The following CCDC91 variants were observed in gnomAD, a reference collection of about 807,000 sequenced individuals.
CCDC91 encodes the protein coiled-coil domain containing 91.
CCDC91 carries 48 observed loss-of-function variants against 63.2 expected under a neutral mutation model. That is an observed-to-expected ratio of 0.76 (90% CI 0.60 to 0.97). The LOEUF is 0.97. Ranked by LOEUF, CCDC91 falls within the 50% of genes least tolerant of loss-of-function variation. The probability of loss-of-function intolerance (pLI) is 0.00; values close to 1 mark genes in which losing one functional copy is unlikely to be tolerated. For missense variants in CCDC91, 500 were observed against 494.6 expected (o/e 1.01, Z -0.10); for synonymous variants, 167 against 165.8 (o/e 1.01, Z -0.06).
At chr12:28,515,218 G>C (rs903427681) in intron 12 of CCDC91, among the ~76,000 whole-genome samples, 1 of 151,734 alleles carries the variant, frequency 6.6e-6, no homozygotes, top group South Asian at 2.1e-4. Context: ...TCTTATGGGG[G>C]ACTTCGGCAG....
chr12:28,545,619 G>T (rs951122499), intron 12 of CCDC91, among the ~76,000 whole-genome samples: 4 of 152,042 alleles, frequency 2.6e-5, no homozygotes, highest in Admixed American at 2.0e-4. Flanking sequence ...AGAGTGCTCT[G>T]GGGAGGGAGT....
chr12:28,232,133 AG>A lies in CCDC91; in HGVS notation c.-14-25068del, dbSNP rs1230419179. 6.6e-5 allele frequency among the ~76,000 whole-genome samples: 10 copies of A among 152,280 alleles called. 1 individual carries two copies. Among genetic ancestry groups the A allele is most frequent in the Admixed American group, 6.5e-4 (10 of 15,290 alleles). Reference sequence around the variant, plus strand: ...TGGATCATTTTATATATCTACCTGTAGAATTGTGACCATGGGTTTTCTGTTT... The same window carrying A: ...TGGATCATTTTATATATCTACCTGTAAATTGTGACCATGGGTTTTCTGTTT... On this transcript the variant is annotated intron_variant, in intron 1 of 12. Coordinates refer to ENST00000536442, the MANE Select transcript of CCDC91 (RefSeq NM_018318.5).
At chr12:28,350,345 T>C (rs1565838796) in intron 6 of CCDC91, among the ~76,000 whole-genome samples, 1 of 152,218 alleles carries the variant, frequency 6.6e-6, no homozygotes, top group African/African-American at 2.4e-5. Context: ...GGAGAGGTAA[T>C]TTAGACAAAT....
intron 6 of CCDC91, among the ~76,000 whole-genome samples, chr12:28,325,145 G>T (rs1227034354): frequency 6.6e-6 from 1 of 151,850 alleles, no homozygotes; most frequent in African/African-American, 2.4e-5. Context: ...TTTGAAGAAA[G>T]ATATTAGATA....
intron 1 of CCDC91, among the ~76,000 whole-genome samples, chr12:28,250,807 C>G (rs1196395347): frequency 1.3e-5 from 2 of 152,006 alleles, no homozygotes; most frequent in Non-Finnish European, 2.9e-5. Context: ...GAAAGGATCC[C>G]CACACTACCT....
chr12:28,300,222 T>C (rs1040959189), intron 3 of CCDC91, among the ~76,000 whole-genome samples: 1 of 151,480 alleles, frequency 6.6e-6, no homozygotes, highest in Non-Finnish European at 1.5e-5. Context: ...TCCCTGATCC[T>C]CTTTGGAGTT....
intron 7 of CCDC91, among the ~76,000 whole-genome samples, chr12:28,372,745 T>G (rs1451034372): frequency 6.6e-6 from 1 of 152,176 alleles, no homozygotes; most frequent in African/African-American, 2.4e-5. Context: ...TCTTTGGGGT[T>G]TTCCAGGTAT....
chr12:28,404,379 T>C (rs1245622983), intron 8 of CCDC91, among the ~76,000 whole-genome samples: 1 of 152,102 alleles, frequency 6.6e-6, no homozygotes, highest in African/African-American at 2.4e-5. Context: ...TGATTTCTAC[T>C]CTTTTAAATT....
intron 11 of CCDC91, among the ~76,000 whole-genome samples, chr12:28,462,069 A>G (rs1241047376): frequency 6.6e-6 from 1 of 151,932 alleles, no homozygotes; most frequent in African/African-American, 2.4e-5. Context: ...TTTTTTAATC[A>G]GAAGGTAATG....
At chr12:28,391,007 T>C (rs1046124578) in intron 7 of CCDC91, among the ~76,000 whole-genome samples, 14 of 151,368 alleles carry the variant, frequency 9.2e-5, no homozygotes, top group African/African-American at 2.9e-4. Context: ...ACCAAATTTA[T>C]ATTTAACAGA....
At chr12:28,504,709 C>A (rs1938484037) in intron 12 of CCDC91, among the ~76,000 whole-genome samples, 1 of 151,872 alleles carries the variant, frequency 6.6e-6, no homozygotes, top group African/African-American at 2.4e-5. Context: ...ATGTTTGCTT[C>A]TTTCTTTCAC....
intron 3 of CCDC91, 57 bp from the exon 4 acceptor site, chr12:28,305,592 C>T (rs1565767355): frequency 9.1e-6 from 13 of 1,426,650 alleles, no homozygotes; most frequent in Admixed American, 7.9e-5. Context: ...CAACCTGTTC[C>T]CTCTCTGTTT....
At chr12:28,211,468 G>A (rs977980197) in intron 1 of CCDC91, among the ~76,000 whole-genome samples, 1 of 152,182 alleles carries the variant, frequency 6.6e-6, no homozygotes, top group South Asian at 2.1e-4. Flanking sequence ...CCCCCAGATG[G>A]GCCCCATCAT....
chr12:28,298,895 C>CTTAGAGAT (rs1937733518), intron 3 of CCDC91, among the ~76,000 whole-genome samples: 1 of 151,344 alleles, frequency 6.6e-6, no homozygotes, highest in Non-Finnish European at 1.5e-5. Flanking sequence ...AAGATTCAGT[C>CTTAGAGAT]ATGTTGTTTC....
chr12:28,432,689 G>T (rs1428301546), intron 8 of CCDC91, among the ~76,000 whole-genome samples: 1 of 152,124 alleles, frequency 6.6e-6, no homozygotes, highest in African/African-American at 2.4e-5. Context: ...ACATCCATGT[G>T]CATGTTTTTT....
chr12:28,310,925 G>C (rs150232446), intron 6 of CCDC91, among the ~76,000 whole-genome samples: 1 of 151,912 alleles, frequency 6.6e-6, no homozygotes, highest in African/African-American at 2.4e-5. Context: ...ACTATTGATA[G>C]TATTTTCTTA....
chr12:28,327,279 C>T (rs2137571422), intron 6 of CCDC91, among the ~76,000 whole-genome samples: 1 of 152,228 alleles, frequency 6.6e-6, no homozygotes, highest in South Asian at 2.1e-4. Flanking sequence ...GACAAGCAAG[C>T]TGGAAGCTTG....
chr12:28,546,095 C>T (rs1247768680), intron 12 of CCDC91, among the ~76,000 whole-genome samples: 2 of 152,086 alleles, frequency 1.3e-5, no homozygotes, highest in African/African-American at 4.8e-5. Flanking sequence ...CATGAAGCCA[C>T]CTCCAAACTG....
intron 12 of CCDC91, among the ~76,000 whole-genome samples, chr12:28,547,587 TA>T (rs1943078130): frequency 6.6e-6 from 1 of 151,986 alleles, no homozygotes; most frequent in South Asian, 2.1e-4. Flanking sequence ...CTTATAAGCA[TA>T]AGGTATGTAT....
Sources: allele counts gnomAD v4.1 joint callset (sites outside exome capture counted in the v4.1 genomes callset), GRCh38; gene constraint gnomAD v4.1.1; transcripts MANE v1.5; gene names NCBI Gene and HGNC (gene_info 2026-07-23, HGNC 2026-07-21).